Variants in SHTN1 observed in about 807,000 individuals in gnomAD.
SHTN1 encodes shootin-1.
Under a neutral mutation model 83.1 loss-of-function variants are expected in SHTN1, and 42 were observed. The observed-to-expected ratio is 0.51, with a 90% CI of 0.39 to 0.65. SHTN1 has a LOEUF of 0.65. SHTN1 is among the 30% of genes least tolerant of loss of function. The pLI is 0.00. For missense variants in SHTN1, 622 were observed against 737.8 expected (o/e 0.84, Z 1.82); for synonymous variants, 224 against 247.7 (o/e 0.90, Z 0.90).
intron 15 of SHTN1, among the ~76,000 whole-genome samples, chr10:116,903,358 C>T (rs1357757292): frequency 6.6e-6 from 1 of 151,984 alleles, no homozygotes; most frequent in Non-Finnish European, 1.5e-5. Flanking sequence ...CATGGTGAAA[C>T]CCTGTCTCTA....
chr10:116,935,773 C>G (rs1211566262), intron 9 of SHTN1, among the ~76,000 whole-genome samples: 1 of 152,052 alleles, frequency 6.6e-6, no homozygotes, highest in Admixed American at 6.5e-5. Flanking sequence ...TGGTAGAAAT[C>G]AGCTGTGAAT....
chr10:116,934,173 T>A (rs892220813), intron 9 of SHTN1, among the ~76,000 whole-genome samples: 1 of 152,236 alleles, frequency 6.6e-6, no homozygotes, highest in Non-Finnish European at 1.5e-5. Flanking sequence ...TTTAATTAGA[T>A]CCCATTTGTC....
intron 1 of SHTN1, among the ~76,000 whole-genome samples, chr10:117,118,113 TG>T (rs1277650960): frequency 6.6e-6 from 1 of 151,826 alleles, no homozygotes; most frequent in Non-Finnish European, 1.5e-5. Context: ...ACCCACAGAA[TG>T]GGGGGAAATA....
chr10:117,042,055 A>G (rs539773033), intron 2 of SHTN1, among the ~76,000 whole-genome samples: 5 of 152,314 alleles, frequency 3.3e-5, no homozygotes, highest in South Asian at 2.1e-4. Context: ...GAGGAAATAC[A>G]TTAAGGAAGA....
chr10:117,102,379 T>A (rs904000708), intron 1 of SHTN1, among the ~76,000 whole-genome samples: 1 of 152,180 alleles, frequency 6.6e-6, no homozygotes, highest in Admixed American at 6.6e-5. Context: ...GCGTTGCTAC[T>A]GAAACTTACA....
intron 2 of SHTN1, 83 bp from the exon 3 acceptor site, chr10:116,968,795 C>T (rs760025943): frequency 1.9e-6 from 2 of 1,035,880 alleles, no homozygotes; most frequent in Non-Finnish European, 2.9e-6. Flanking sequence ...AACTTATAAA[C>T]AACAGCAATT....
At chr10:116,935,541 T>C (rs1849126978) in intron 9 of SHTN1, among the ~76,000 whole-genome samples, 1 of 152,316 alleles carries the variant, frequency 6.6e-6, no homozygotes, top group Admixed American at 6.5e-5. Flanking sequence ...GATAAGCTTT[T>C]GGATGTGCTG....
intron 1 of SHTN1, among the ~76,000 whole-genome samples, chr10:116,997,870 A>G (rs1244007541): frequency 6.6e-6 from 1 of 152,194 alleles, no homozygotes; most frequent in African/African-American, 2.4e-5. Context: ...AGGCGGGTGG[A>G]TCACGAGGTC....
intron 4 of SHTN1, among the ~76,000 whole-genome samples, chr10:116,959,721 C>T (rs1278026736): frequency 2.0e-5 from 3 of 152,140 alleles, no homozygotes; most frequent in East Asian, 1.9e-4. Flanking sequence ...CTGAAATGCA[C>T]GGCTTCAGGG....
At chr10:116,948,287 A>G (rs1849657917) in intron 7 of SHTN1, among the ~76,000 whole-genome samples, 2 of 152,130 alleles carry the variant, frequency 1.3e-5, no homozygotes, top group South Asian at 4.1e-4. Flanking sequence ...GCCACTGGAG[A>G]CACTTCCCTC....
At position 116,911,823 on chromosome 10, in the gene SHTN1, G is replaced by A. The variant is rs754633885; in HGVS notation, c.1326C>T (p.Cys442=). 3.5e-5 allele frequency: 56 copies of A among 1,612,140 alleles called. No individual in the cohort carries two copies. The South Asian group carries it at 4.5e-4, about 13-fold the overall frequency. ...CTTTTAGTTCATCCACTGCACTTTCGCAGCCTTTCGAAGATTCTGGCTATA... is the reference window on the plus strand; with the variant it reads ...CTTTTAGTTCATCCACTGCACTTTCACAGCCTTTCGAAGATTCTGGCTATA... The part of the protein sequence containing the change: ...PKTKPESSKG[C]ESAVDELKGI... Residue 442 remains cysteine (C), a synonymous_variant, in exon 14 of 17, where the codon TGC becomes TGT. Coordinates refer to ENST00000355371, the MANE Select transcript of SHTN1 (RefSeq NM_001127211.3).
intron 2 of SHTN1, among the ~76,000 whole-genome samples, chr10:117,042,951 A>G (rs1347283957): frequency 1.3e-5 from 2 of 152,118 alleles, no homozygotes; most frequent in Non-Finnish European, 2.9e-5. Context: ...GGCATTAATA[A>G]ACACAAATAT....
intron 1 of SHTN1, among the ~76,000 whole-genome samples, chr10:117,099,009 T>TACACACACACACACACAC (rs371738555): frequency 6.4e-5 from 9 of 141,030 alleles, no homozygotes; most frequent in Non-Finnish European, 9.2e-5. Flanking sequence ...GTGGTATGTA[T>TACACACACACACACACAC]ACACACACAC....
intron 1 of SHTN1, among the ~76,000 whole-genome samples, chr10:117,001,655 G>C (rs1040433340): frequency 2.0e-4 from 31 of 152,134 alleles, no homozygotes; most frequent in African/African-American, 2.4e-5. Flanking sequence ...CAAGGAGTAA[G>C]TTTTAACATT....
At chr10:116,992,010 C>G (rs1432516533) in intron 1 of SHTN1, among the ~76,000 whole-genome samples, 11 of 152,014 alleles carry the variant, frequency 7.2e-5, no homozygotes, top group Admixed American at 7.2e-4. Flanking sequence ...GGCGTAGTGG[C>G]ACACACCTGT....
At chr10:116,965,158 T>A (rs1423585129) in intron 3 of SHTN1, among the ~76,000 whole-genome samples, 2 of 152,178 alleles carry the variant, frequency 1.3e-5, no homozygotes, top group Non-Finnish European at 1.5e-5. Context: ...GGGAAAAGTA[T>A]GCTAAGCTAG....
intron 1 of SHTN1, among the ~76,000 whole-genome samples, chr10:117,118,113 T>A (rs531633755): frequency 6.6e-6 from 1 of 151,942 alleles, no homozygotes; most frequent in African/African-American, 2.4e-5. Flanking sequence ...ACCCACAGAA[T>A]GGGGGGAAAT....
intron 14 of SHTN1, 85 bp from the exon 15 acceptor site, chr10:116,906,832 T>C (rs890604383): frequency 4.8e-5 from 52 of 1,093,780 alleles, no homozygotes; most frequent in Non-Finnish European, 1.7e-5. Flanking sequence ...CATGAAAACA[T>C]TACCAGAATT....
At chr10:117,039,546 TA>T (rs1274119421) in intron 2 of SHTN1, among the ~76,000 whole-genome samples, 2 of 152,020 alleles carry the variant, frequency 1.3e-5, no homozygotes, top group African/African-American at 4.8e-5. Flanking sequence ...ATCACTCTGA[TA>T]GGGGATGTTA....
Sources: allele counts gnomAD v4.1 joint callset (sites outside exome capture counted in the v4.1 genomes callset), GRCh38; gene constraint gnomAD v4.1.1; transcripts MANE v1.5; gene names NCBI Gene and HGNC (gene_info 2026-07-23, HGNC 2026-07-21).